The following TCN2 variants were observed in gnomAD, a reference collection of about 807,000 sequenced individuals.
TCN2 encodes the protein transcobalamin-2.
A neutral mutation model predicts 48.6 loss-of-function variants in TCN2; 34 were observed. The observed-to-expected ratio is 0.70, with a 90% CI of 0.53 to 0.93. TCN2 has a LOEUF of 0.93. Among genes scored for constraint, TCN2 ranks in the 40% least tolerant of loss-of-function variants. The pLI is 0.00. For missense variants in TCN2, 652 were observed against 526.1 expected (o/e 1.24, Z -2.34); for synonymous variants, 283 against 212.5 (o/e 1.33, Z -2.89).
intron 8 of TCN2, among the ~76,000 whole-genome samples, chr22:30,625,878 A>G (rs2087800795): frequency 6.6e-6 from 1 of 152,116 alleles, no homozygotes; most frequent in Admixed American, 6.6e-5. Context: ...TTTAACATAT[A>G]CATTTTGGGG....
At chr22:30,615,249 C>T (rs2087594544) in intron 4 of TCN2, 52 bp from the exon 5 acceptor site, 6 of 1,606,052 alleles carry the variant, frequency 3.7e-6, no homozygotes, top group East Asian at 2.2e-5. Context: ...CCCTGCCTGT[C>T]CTGGCCCCTT....
rs796283938 is a variant in TCN2 at position 30,623,849 on chromosome 22, T to C, written c.1222+766T>C. Among the ~76,000 whole-genome samples the C allele has an allele frequency of 3.0e-3, 101 of 34,172 alleles. 24 individuals are homozygous for C. Among genetic ancestry groups the C allele is most frequent in the East Asian group, 4.8e-3 (12 of 2,496 alleles). The allele number at this position is 34,172 out of a possible 152,430, so 22.4% of individuals were successfully genotyped here. A position where few individuals can be genotyped will look rare whatever the true frequency, so the allele number is the denominator to read the frequency against. ...ACACACACATATACACACACATACATACACATACATACACACATATATACA... is the reference window on the plus strand; with the variant it reads ...ACACACACATATACACACACATACACACACATACATACACACATATATACA... On this transcript the variant is annotated intron_variant, in intron 8 of 8. Coordinates refer to ENST00000215838, the MANE Select transcript of TCN2 (RefSeq NM_000355.4).
In TCN2 at chr22:30,610,917, C is replaced by A. The variant is rs1474415495; in HGVS notation, c.111C>A (p.His37Gln). 6.2e-7 allele frequency: 1 copy of A among 1,614,202 alleles called. No homozygotes were observed. The highest frequency in any genetic ancestry group is 8.5e-7 in the Non-Finnish European group (1 of 1,180,038). ...ATCTGGTAGAGAAGTTGGGCCAGCA[C>A]CTCTTACCTTGGATGGACCGGCTTT... Reference protein sequence around the residue: ...DSHLVEKLGQHLLPWMDRLSL... With the variant: ...DSHLVEKLGQQLLPWMDRLSL... The change falls in exon 2 of 9, where the codon CAC becomes CAA. Residue 37 changes from histidine (H) to glutamine (Q), a missense_variant. Coordinates refer to ENST00000215838, the MANE Select transcript of TCN2 (RefSeq NM_000355.4).
intron 1 of TCN2, among the ~76,000 whole-genome samples, chr22:30,609,837 T>C (rs1363109829): frequency 6.6e-6 from 1 of 152,154 alleles, no homozygotes; most frequent in African/African-American, 2.4e-5. Context: ...GGTCACCTTA[T>C]AGCAACAGGT....
intron 7 of TCN2, among the ~76,000 whole-genome samples, chr22:30,621,324 A>T (rs903407791): frequency 6.6e-6 from 1 of 152,044 alleles, no homozygotes; most frequent in East Asian, 1.9e-4. Context: ...AATCCCTCTA[A>T]GACTGCAACC....
At chr22:30,613,552 T>C (rs1247351419) in intron 3 of TCN2, among the ~76,000 whole-genome samples, 1 of 152,198 alleles carries the variant, frequency 6.6e-6, no homozygotes, top group Non-Finnish European at 1.5e-5. Flanking sequence ...GTGCTGGGAT[T>C]ACAGGCATGA....
In TCN2 at chr22:30,607,193, G is replaced by T; in HGVS notation, c.-139G>T. 2.4e-4 allele frequency: 188 copies of T among 792,192 alleles called. No individual in the cohort carries two copies. Among genetic ancestry groups the T allele is most frequent in the Middle Eastern group, 1.5e-3 (4 of 2,748 alleles). 49.1% of individuals were successfully genotyped at this position (792,192 alleles called of 1,614,324 possible). ...CCCTCTGCAGACTTAGCCGTGCATT[G>T]CAGGCATGGAGGATTAATCAGTGAC... On this transcript the variant is annotated 5_prime_UTR_variant, in exon 1 of 9. Coordinates refer to ENST00000215838, the MANE Select transcript of TCN2 (RefSeq NM_000355.4).
chr22:30,620,997 GTT>G (rs1219569329), intron 7 of TCN2, among the ~76,000 whole-genome samples: 3 of 152,116 alleles, frequency 2.0e-5, no homozygotes, highest in African/African-American at 7.2e-5. Flanking sequence ...GGTGGTGGTT[GTT>G]GTTGTTGTTT....
At position 30,610,939 on chromosome 22, in the gene TCN2, C is replaced by T; in HGVS notation, c.133C>T (p.Leu45Phe). Reference sequence around the variant, plus strand: ...GCACCTCTTACCTTGGATGGACCGGCTTTCCCTGGAGCACTTGAACCCCAG... The same window carrying T: ...GCACCTCTTACCTTGGATGGACCGGTTTTCCCTGGAGCACTTGAACCCCAG... ...GQHLLPWMDR[L>F]SLEHLNPSIY... Residue 45 changes from leucine (L) to phenylalanine (F), a missense_variant, in exon 2 of 9, where the codon CTT (leucine) becomes TTT (phenylalanine). Coordinates refer to ENST00000215838, the MANE Select transcript of TCN2 (RefSeq NM_000355.4). The T allele has an allele frequency of 6.2e-7, 1 of 1,614,226 alleles. No homozygotes were observed. The highest frequency in any genetic ancestry group is 1.3e-5 in the African/African-American group (1 of 75,058).
At position 30,617,410 on chromosome 22, in the gene TCN2, C is replaced by G. The variant is rs746722274; in HGVS notation, c.1021C>G (p.Pro341Ala). The G allele has an allele frequency of 3.7e-6, 6 of 1,614,142 alleles. No homozygotes were observed. The South Asian group carries it at 5.5e-5, about 15-fold the overall frequency. Residue 341 changes from proline (P) to alanine (A), a missense_variant, in exon 7 of 9, where the codon CCG becomes GCG. Coordinates refer to ENST00000215838, the MANE Select transcript of TCN2 (RefSeq NM_000355.4). ...SVTLQVLSLL[P>A]PYRQSISVLA... ...CACGCTGCAGGTGCTTAGTCTCTTG[C>G]CGCCGTACAGACAGTCCATCTCTGT...
intron 1 of TCN2, among the ~76,000 whole-genome samples, chr22:30,609,526 G>A (rs945506759): frequency 9.2e-5 from 14 of 152,054 alleles, no homozygotes; most frequent in Middle Eastern, 3.2e-3. Flanking sequence ...GTGAGAGCCC[G>A]GGGTGAGGTC....
At chr22:30,623,296 C>CAAA (rs11305698) in intron 8 of TCN2, 302 of 372,798 alleles carry the variant, frequency 8.1e-4, no homozygotes, top group South Asian at 1.4e-3. Context: ...AGACAGATTA[C>CAAA]AAAAAAAAAA....
intron 7 of TCN2, among the ~76,000 whole-genome samples, chr22:30,618,557 G>A (rs1387998921): frequency 6.6e-6 from 1 of 152,106 alleles, no homozygotes; most frequent in East Asian, 1.9e-4. Context: ...TTACTATGTT[G>A]GCCAGCTGGT....
In TCN2 at chr22:30,626,611, C is replaced by T. The variant is rs2087814979; in HGVS notation, c.*90C>T. ...TCCCTGGAACAGGAACTCGCCTGAC[C>T]CTGCTGCCACCTCCTGTGCACTTTG... On this transcript the variant is annotated 3_prime_UTR_variant, in exon 9 of 9. Transcript: ENST00000215838. 51 of 1,392,830 alleles carry T rather than the reference C, an allele frequency of 3.7e-5. No individual in the cohort carries two copies. Among genetic ancestry groups the T allele is most frequent in the Non-Finnish European group, 5.1e-5 (50 of 989,166 alleles). 86.3% of individuals were successfully genotyped at this position (1,392,830 alleles called of 1,614,324 possible).
chr22:30,617,222 G>A (rs1440814644), intron 6 of TCN2, 108 bp from the exon 7 acceptor site: 5 of 1,474,428 alleles, frequency 3.4e-6, no homozygotes, highest in Non-Finnish European at 4.7e-6. Flanking sequence ...TGGAGATGAG[G>A]ACATGGGGAA....
chr22:30,623,021 A>C lies in TCN2; in HGVS notation c.1160A>C (p.Lys387Thr). 1 of 1,614,052 alleles carries C rather than the reference A, an allele frequency of 6.2e-7. No homozygotes were observed. The highest frequency in any genetic ancestry group is 8.5e-7 in the Non-Finnish European group (1 of 1,180,030). ...SGPYLTSVMG[K>T]AAGEREFWQL... ...CCCTACTTAACCTCCGTGATGGGGAAAGCGGCCGGAGAAAGGGAGTTCTGG... is the reference window on the plus strand; with the variant it reads ...CCCTACTTAACCTCCGTGATGGGGACAGCGGCCGGAGAAAGGGAGTTCTGG... The change falls in exon 8 of 9, where the codon AAA becomes ACA. Residue 387 changes from lysine to threonine, a missense_variant. Physicochemically the swap from Lys to Thr is moderately conservative, Grantham distance 78. Transcript: ENST00000215838.
intron 3 of TCN2, among the ~76,000 whole-genome samples, chr22:30,613,904 A>G (rs1012549432): frequency 6.6e-6 from 1 of 151,814 alleles, no homozygotes; most frequent in African/African-American, 2.4e-5. Flanking sequence ...CTCAACTCAT[A>G]AGCCAGTTTT....
chr22:30,611,092 T>C, intron 2 of TCN2, 29 bp downstream of exon 2: 2 of 1,613,694 alleles, frequency 1.2e-6, no homozygotes, highest in Non-Finnish European at 1.7e-6. Flanking sequence ...TTTCCATGTC[T>C]TGCTCCACAT....
chr22:30,625,837 C>T (rs944209600), intron 8 of TCN2, among the ~76,000 whole-genome samples: 5 of 152,130 alleles, frequency 3.3e-5, no homozygotes, highest in African/African-American at 1.2e-4. Flanking sequence ...GGCCCTAAGG[C>T]CTCCTGATAC....
Sources: gnomAD v4.1 joint callset for allele counts (sites outside exome capture counted in the v4.1 genomes callset) on GRCh38, gnomAD v4.1.1 for gene constraint, MANE v1.5 for transcripts, NCBI Gene and HGNC (gene_info 2026-07-23, HGNC 2026-07-21) for gene names.